NKAIN2: variants seen among roughly 807,000 people sequenced by gnomAD.
NKAIN2 encodes the protein sodium/potassium transporting ATPase interacting 2, also known as sodium/potassium-transporting ATPase subunit beta-1-interacting protein 2.
In NKAIN2, 14 loss-of-function variants were observed where a neutral mutation model predicts 32.6. That is an observed-to-expected ratio of 0.43 (90% confidence interval 0.28 to 0.67). NKAIN2 has a LOEUF of 0.67. NKAIN2 is among the 30% of genes least tolerant of loss of function. The pLI is 0.17. For synonymous variants in NKAIN2, 80 were observed against 87.2 expected (o/e 0.92, Z 0.46); for missense variants, 198 against 258.3 (o/e 0.77, Z 1.60).
chr6:124,512,311 C>A (rs2114776038), intron 3 of NKAIN2, among the ~76,000 whole-genome samples: 1 of 152,254 alleles, frequency 6.6e-6, no homozygotes, highest in East Asian at 1.9e-4. Context: ...TTCTTCCCAC[C>A]AATTTCCCAA....
chr6:124,401,016 G>A (rs1773601410), intron 3 of NKAIN2, among the ~76,000 whole-genome samples: 1 of 152,042 alleles, frequency 6.6e-6, no homozygotes, highest in Non-Finnish European at 1.5e-5. Flanking sequence ...TCTTTCAAAT[G>A]TCATTATGCT....
chr6:124,035,390 T>C (rs1437877239), intron 1 of NKAIN2, among the ~76,000 whole-genome samples: 1 of 152,128 alleles, frequency 6.6e-6, no homozygotes, highest in East Asian at 1.9e-4. Flanking sequence ...AAGCCTTCAA[T>C]GTCTCTTTAA....
At chr6:124,125,901 T>TC (rs1786140683) in intron 1 of NKAIN2, among the ~76,000 whole-genome samples, 2 of 152,326 alleles carry the variant, frequency 1.3e-5, no homozygotes, top group East Asian at 3.9e-4. Context: ...CCACTTGTCA[T>TC]CCTTCCTTTG....
chr6:124,703,493 T>C (rs1018895684), intron 4 of NKAIN2, among the ~76,000 whole-genome samples: 4 of 152,058 alleles, frequency 2.6e-5, no homozygotes, highest in African/African-American at 9.7e-5. Context: ...CATATAATGT[T>C]TCAATAATTA....
chr6:124,499,150 C>T (rs1778185402), intron 3 of NKAIN2, among the ~76,000 whole-genome samples: 1 of 152,126 alleles, frequency 6.6e-6, no homozygotes, highest in African/African-American at 2.4e-5. Context: ...TAGATGATTG[C>T]TACAAGTTAA....
intron 4 of NKAIN2, among the ~76,000 whole-genome samples, chr6:124,705,307 A>T (rs1422082597): frequency 6.6e-6 from 1 of 152,136 alleles, no homozygotes; most frequent in Admixed American, 6.6e-5. Context: ...AATAATAAAA[A>T]TGACTTTTTA....
rs1773118213 is a variant in NKAIN2 at position 123,804,220 on chromosome 6, G to C, written c.20G>C (p.Arg7Thr). 3 of 1,614,106 alleles carry C rather than the reference G, an allele frequency of 1.9e-6. No homozygotes were observed. The highest frequency in any genetic ancestry group is 2.5e-6 in the Non-Finnish European group (3 of 1,179,962). ...GAAACCATGGGTTATTGCAGTGGCA[G>C]GTGCACGCTTATCTTTATCTGTGGC... MGYCSG[R>T]CTLIFICGMQ... The change falls in exon 1 of 7, where the codon AGG becomes ACG. Residue 7 changes from arginine (R) to threonine (T), a missense_variant. Coordinates refer to ENST00000368417, the MANE Select transcript of NKAIN2 (RefSeq NM_001040214.3).
At chr6:124,106,001 A>T (rs1177605589) in intron 1 of NKAIN2, among the ~76,000 whole-genome samples, 1 of 152,194 alleles carries the variant, frequency 6.6e-6, no homozygotes, top group Non-Finnish European at 1.5e-5. Context: ...TTTTCCCAGG[A>T]TCCTACAGTT....
intron 3 of NKAIN2, among the ~76,000 whole-genome samples, chr6:124,402,323 C>T (rs1244528918): frequency 6.6e-6 from 1 of 152,152 alleles, no homozygotes; most frequent in East Asian, 1.9e-4. Context: ...AAGTAGGATT[C>T]AAGTTTCACT....
intron 1 of NKAIN2, among the ~76,000 whole-genome samples, chr6:124,282,483 C>G (rs1442952818): frequency 6.6e-6 from 1 of 152,146 alleles, no homozygotes; most frequent in Non-Finnish European, 1.5e-5. Flanking sequence ...AGGGAAATGA[C>G]TTGCGTAGGC....
Position 124,779,055 on chromosome 6 carries a change from G to C in NKAIN2, c.475-12284G>C, listed in dbSNP as rs1447991374. Among the ~76,000 whole-genome samples, 3 of 151,932 alleles carry C rather than the reference G, an allele frequency of 2.0e-5. No individual in the cohort carries two copies. The East Asian group carries it at 5.8e-4, about 29-fold the overall frequency. On this transcript the variant is annotated intron_variant, in intron 4 of 6. Coordinates refer to ENST00000368417, the MANE Select transcript of NKAIN2 (RefSeq NM_001040214.3). ...GCGCAAGACCAGCCTGGCCAACATG[G>C]CAAAACTTCCTCTCTACTAAAAAAT...
In NKAIN2 at chr6:124,611,411, G is replaced by T. The variant is rs1782684095; in HGVS notation, c.274-46775G>T. On this transcript the variant is annotated intron_variant, in intron 3 of 6. Transcript: ENST00000368417. ...GTTCTGGGATACGTGTGTAGAATGT[G>T]CAGGTTTGTTACATAGGTATACATG... is the stretch of plus-strand genomic sequence containing the variant. Among the ~76,000 whole-genome samples, 2 of 152,134 alleles carry T rather than the reference G, an allele frequency of 1.3e-5. 1 individual carries two copies. Among genetic ancestry groups the T allele is most frequent in the Non-Finnish European group, 2.9e-5 (2 of 68,022 alleles).
intron 1 of NKAIN2, among the ~76,000 whole-genome samples, chr6:123,985,807 G>A (rs1276553457): frequency 6.6e-6 from 1 of 152,128 alleles, no homozygotes; most frequent in East Asian, 1.9e-4. Context: ...CTGAGAAATC[G>A]ATGTTTTCAC....
intron 4 of NKAIN2, among the ~76,000 whole-genome samples, chr6:124,740,820 A>G (rs967513466): frequency 2.0e-5 from 3 of 151,870 alleles, no homozygotes; most frequent in Non-Finnish European, 4.4e-5. Context: ...AGGTTGTAAT[A>G]AAGAATGTTT....
At chr6:124,224,368 A>G (rs1486737291) in intron 1 of NKAIN2, among the ~76,000 whole-genome samples, 1 of 152,160 alleles carries the variant, frequency 6.6e-6, no homozygotes, top group African/African-American at 2.4e-5. Flanking sequence ...ACTTCAAATG[A>G]ATAACATATT....
intron 1 of NKAIN2, among the ~76,000 whole-genome samples, chr6:124,181,619 C>T: frequency 6.6e-6 from 1 of 152,084 alleles, no homozygotes; most frequent in East Asian, 1.9e-4. Flanking sequence ...TTTCTTCCAC[C>T]AGATACCCTA....
intron 1 of NKAIN2, among the ~76,000 whole-genome samples, chr6:123,918,038 C>T (rs1775577821): frequency 6.6e-6 from 1 of 151,998 alleles, no homozygotes; most frequent in African/African-American, 2.4e-5. Flanking sequence ...AAATTATGTC[C>T]TTATTATATG....
At chr6:124,316,948 G>C (rs1190545583) in intron 2 of NKAIN2, among the ~76,000 whole-genome samples, 1 of 151,934 alleles carries the variant, frequency 6.6e-6, no homozygotes, top group African/African-American at 2.4e-5. Context: ...TTCTCTATTG[G>C]TAGCTATGGA....
chr6:124,726,108 C>T lies in NKAIN2; in HGVS notation c.475-65231C>T, dbSNP rs1248561043. Reference sequence around the variant, plus strand: ...AGCACAGCAGTCTGAGATCAAACTGCAAGGCGGCAGCGAGCCTGGGGGAGG... The same window carrying T: ...AGCACAGCAGTCTGAGATCAAACTGTAAGGCGGCAGCGAGCCTGGGGGAGG... On this transcript the variant is annotated intron_variant, in intron 4 of 6. Coordinates refer to ENST00000368417, the MANE Select transcript of NKAIN2 (RefSeq NM_001040214.3). Among the ~76,000 whole-genome samples, 6 of 152,196 alleles carry T rather than the reference C, an allele frequency of 3.9e-5. No individual in the cohort carries two copies. The South Asian group carries it at 8.3e-4, about 21-fold the overall frequency.
Sources: gnomAD v4.1 joint callset for allele counts (sites outside exome capture counted in the v4.1 genomes callset) on GRCh38, gnomAD v4.1.1 for gene constraint, MANE v1.5 for transcripts, NCBI Gene and HGNC (gene_info 2026-07-23, HGNC 2026-07-21) for gene names.